Variants in CCDC83 observed in about 807,000 individuals in gnomAD.
CCDC83 encodes the protein coiled-coil domain containing 83, also known as coiled-coil domain-containing protein 83.
Under a neutral mutation model 50.1 loss-of-function variants are expected in CCDC83, and 54 were observed. The ratio of observed to expected loss-of-function variants is 1.08; its 90% CI spans 0.87 to 1.35. The LOEUF (loss-of-function observed/expected upper bound fraction) is 1.35. CCDC83 is among the 40% of genes most tolerant of loss of function. The pLI is 0.00. For missense variants in CCDC83, 518 were observed against 473.9 expected (o/e 1.09, Z -0.86); for synonymous variants, 161 against 153.3 (o/e 1.05, Z -0.37).
At chr11:85,904,230 T>C (rs2135112218) in intron 7 of CCDC83, among the ~76,000 whole-genome samples, 1 of 152,320 alleles carries the variant, frequency 6.6e-6, no homozygotes, top group Admixed American at 6.5e-5. Flanking sequence ...AGAGTTCTCA[T>C]ATACGCCACA....
intron 4 of CCDC83, among the ~76,000 whole-genome samples, 170 bp downstream of exon 4, chr11:85,882,845 A>G (rs1332076045): frequency 6.6e-6 from 1 of 152,250 alleles, no homozygotes; most frequent in African/African-American, 2.4e-5. Context: ...AGAGGGAAAT[A>G]ATAAAGTGGG....
chr11:85,856,184 C>CAG (rs1208874259), intron 1 of CCDC83, among the ~76,000 whole-genome samples: 4 of 94,880 alleles, frequency 4.2e-5, no homozygotes, highest in African/African-American at 1.6e-4. Flanking sequence ...CTATCTAAGC[C>CAG]AAAAAAAAAA....
chr11:85,915,526 G>T (rs60185300), intron 9 of CCDC83, 28 bp downstream of exon 9: 4 of 1,500,798 alleles, frequency 2.7e-6, no homozygotes, highest in East Asian at 4.5e-5. Context: ...TAATGATGAT[G>T]ATTTTTTTCA....
rs536081966 is a variant in CCDC83, at chr11:85,885,469, GT to G, written c.344-728del. Reference sequence around the variant, plus strand: ...TGGTGATGAGATAAACAGCCATTAAGTTTGTTGTACTTGACTCTTTTGTAAT... The same window carrying G: ...TGGTGATGAGATAAACAGCCATTAAGTTGTTGTACTTGACTCTTTTGTAAT... On this transcript the variant is annotated intron_variant, in intron 4 of 10. Transcript: ENST00000342404. Among the ~76,000 whole-genome samples, 64 of 152,314 alleles carry G rather than the reference GT, an allele frequency of 4.2e-4. 1 individual carries two copies. The highest frequency in any genetic ancestry group is 3.1e-3 in the South Asian group (15 of 4,828).
chr11:85,912,789 T>C, intron 8 of CCDC83: 1 of 1,130,514 alleles, frequency 8.8e-7, no homozygotes, highest in Non-Finnish European at 1.4e-6. Context: ...TCCACTGCCC[T>C]CTTTTCTGAA....
chr11:85,900,843 T>A (rs1165090843), intron 7 of CCDC83, among the ~76,000 whole-genome samples: 1 of 152,096 alleles, frequency 6.6e-6, no homozygotes, highest in Non-Finnish European at 1.5e-5. Flanking sequence ...GGAGGGCAGA[T>A]CGCTTGAGGC....
intron 1 of CCDC83, among the ~76,000 whole-genome samples, chr11:85,864,817 C>T (rs2093197459): frequency 3.9e-5 from 6 of 152,064 alleles, no homozygotes; most frequent in Admixed American, 6.6e-5. Context: ...GACCTAGATA[C>T]GGGCAACAGA....
At chr11:85,905,759 G>A (rs2093422749) in intron 7 of CCDC83, among the ~76,000 whole-genome samples, 1 of 151,794 alleles carries the variant, frequency 6.6e-6, no homozygotes, top group Non-Finnish European at 1.5e-5. Flanking sequence ...CACGAGGTCA[G>A]AAGATCGAGA....
chr11:85,859,943 C>T (rs2093165623), intron 1 of CCDC83, among the ~76,000 whole-genome samples: 1 of 152,130 alleles, frequency 6.6e-6, no homozygotes, highest in South Asian at 2.1e-4. Context: ...TATCCAGAAT[C>T]TATAAGGAAC....
intron 7 of CCDC83, among the ~76,000 whole-genome samples, chr11:85,907,580 G>T (rs1459467131): frequency 6.6e-6 from 1 of 152,132 alleles, no homozygotes; most frequent in Non-Finnish European, 1.5e-5. Context: ...TATTTCTTGG[G>T]CATTTTGCTG....
intron 1 of CCDC83, among the ~76,000 whole-genome samples, chr11:85,857,852 T>C (rs1402610274): frequency 5.3e-5 from 8 of 152,200 alleles, no homozygotes. Context: ...TGAAGGGCTA[T>C]GAGGTGGCCA....
At chr11:85,868,270 C>T (rs2093218882) in intron 2 of CCDC83, among the ~76,000 whole-genome samples, 1 of 152,086 alleles carries the variant, frequency 6.6e-6, no homozygotes, top group African/African-American at 2.4e-5. Flanking sequence ...CCGTTTTCTA[C>T]AATAAGTATG....
intron 7 of CCDC83, among the ~76,000 whole-genome samples, chr11:85,910,752 T>A (rs1223785152): frequency 6.6e-6 from 1 of 152,210 alleles, no homozygotes; most frequent in Non-Finnish European, 1.5e-5. Flanking sequence ...GCTGATGATC[T>A]AAAAATGATT....
At chr11:85,899,278 G>C (rs564181386) in intron 7 of CCDC83, among the ~76,000 whole-genome samples, 1 of 152,304 alleles carries the variant, frequency 6.6e-6, no homozygotes, top group East Asian at 1.9e-4. Context: ...CCTAAAACTT[G>C]ATTTGGTCTT....
chr11:85,869,447 G>GA (rs201949869), intron 2 of CCDC83, among the ~76,000 whole-genome samples: 1 of 151,986 alleles, frequency 6.6e-6, no homozygotes, highest in Admixed American at 6.6e-5. Flanking sequence ...TAGGTTTAAA[G>GA]AAAAAAACAC....
At chr11:85,875,926 T>C (rs1390056373) in intron 3 of CCDC83, among the ~76,000 whole-genome samples, 1 of 152,192 alleles carries the variant, frequency 6.6e-6, no homozygotes, top group Non-Finnish European at 1.5e-5. Flanking sequence ...TTCCCTACTC[T>C]CCATTCATTC....
At chr11:85,899,427 T>C (rs1390325400) in intron 7 of CCDC83, among the ~76,000 whole-genome samples, 1 of 152,238 alleles carries the variant, frequency 6.6e-6, no homozygotes, top group Non-Finnish European at 1.5e-5. Flanking sequence ...AACCAGATAA[T>C]TCTTTGTTGT....
At chr11:85,885,393 A>T (rs1408408221) in intron 4 of CCDC83, among the ~76,000 whole-genome samples, 1 of 152,196 alleles carries the variant, frequency 6.6e-6, no homozygotes, top group Non-Finnish European at 1.5e-5. Flanking sequence ...ATTTACAGAG[A>T]TGAATATAAT....
intron 5 of CCDC83, among the ~76,000 whole-genome samples, chr11:85,891,824 G>A (rs1430280899): frequency 6.6e-6 from 1 of 152,116 alleles, no homozygotes; most frequent in Admixed American, 6.6e-5. Context: ...ACAGGCCCAG[G>A]GAAGTTAATT....
Sources: gnomAD v4.1 joint callset for allele counts (sites outside exome capture counted in the v4.1 genomes callset) on GRCh38, gnomAD v4.1.1 for gene constraint, MANE v1.5 for transcripts, NCBI Gene and HGNC (gene_info 2026-07-23, HGNC 2026-07-21) for gene names.